SPATA3: variants seen among roughly 807,000 people sequenced by gnomAD.
SPATA3 encodes spermatogenesis associated 3.
Under a neutral mutation model 5.7 loss-of-function variants are expected in SPATA3, and 6 were observed. The ratio of observed to expected loss-of-function variants is 1.06; its 90% CI spans 0.58 to 2.09. The LOEUF (loss-of-function observed/expected upper bound fraction) is 2.09, where lower values mean the gene tolerates loss of function less well. Among genes scored for constraint, SPATA3 ranks in the 30% most tolerant of loss-of-function variants. The pLI, the probability that SPATA3 is intolerant of heterozygous loss-of-function variation, is 0.00. For missense variants in SPATA3, 155 were observed against 130.4 expected (o/e 1.19, Z -0.92); for synonymous variants, 44 against 48.4 (o/e 0.91, Z 0.37).
chr2:231,001,425 T>C (rs1692349182), intron 2 of SPATA3, among the ~76,000 whole-genome samples: 6 of 152,078 alleles, frequency 3.9e-5, no homozygotes, highest in Admixed American at 3.9e-4. Context: ...CTGTTCCTCT[T>C]CCCAGCCTCT....
chr2:231,007,791 C>T (rs989800156), downstream of SPATA3, among the ~76,000 whole-genome samples: 5 of 152,302 alleles, frequency 3.3e-5, no homozygotes, highest in Admixed American at 2.0e-4. Context: ...CCTGAACAGG[C>T]GACTCGAAAT....
chr2:231,002,159 C>T (rs570194593), intron 2 of SPATA3, among the ~76,000 whole-genome samples: 4 of 152,334 alleles, frequency 2.6e-5, no homozygotes, highest in African/African-American at 9.6e-5. Flanking sequence ...GCTTTCAATC[C>T]ACATTCACAT....
At chr2:231,003,402 T>C (rs908721152), downstream of SPATA3, among the ~76,000 whole-genome samples, 1 of 135,512 alleles carries the variant, frequency 7.4e-6, no homozygotes, top group African/African-American at 2.7e-5. Context: ...AGCCTGAGAC[T>C]GGGGTTGAAT....
chr2:231,010,119 AG>A (rs1218948941), downstream of SPATA3, among the ~76,000 whole-genome samples: 2 of 152,278 alleles, frequency 1.3e-5, no homozygotes, highest in Non-Finnish European at 2.9e-5. Context: ...TGCAAGTTAT[AG>A]GGGCCAAGGC....
At chr2:231,010,728 A>C (rs1574672325), downstream of SPATA3, among the ~76,000 whole-genome samples, 4 of 152,096 alleles carry the variant, frequency 2.6e-5, no homozygotes, top group Admixed American at 2.6e-4. Context: ...GGAGTCTAGC[A>C]TCTTCACCAG....
downstream of SPATA3, chr2:231,002,841 TCTG>T: frequency 1.6e-6 from 2 of 1,221,832 alleles, no homozygotes; most frequent in Non-Finnish European, 2.2e-6. Context: ...TGTTGAGCGC[TCTG>T]TCCCTTCGAA....
At chr2:231,003,072 G>A (rs1161053470), downstream of SPATA3, among the ~76,000 whole-genome samples, 1 of 152,168 alleles carries the variant, frequency 6.6e-6, no homozygotes, top group African/African-American at 2.4e-5. Context: ...TGGACAAGAG[G>A]AAATGGGAGG....
intron 1 of SPATA3, among the ~76,000 whole-genome samples, 195 bp downstream of exon 1, chr2:230,996,729 C>T (rs537674515): frequency 6.6e-6 from 1 of 152,158 alleles, no homozygotes; most frequent in Non-Finnish European, 1.5e-5. Flanking sequence ...TTCTCATCAT[C>T]CTGAGTCTCA....
rs9973868 is a variant in SPATA3, at chr2:230,998,575, G to A, written c.791-1791G>A. ...TACTTCTTCCAAAGGAATTCTCTGCGTAGAAAGGAATGTTGGAGATGAAGG... is the reference window on the plus strand; with the variant it reads ...TACTTCTTCCAAAGGAATTCTCTGCATAGAAAGGAATGTTGGAGATGAAGG... On this transcript the variant is annotated intron_variant, in intron 1 of 2. Coordinates refer to ENST00000645363, the Ensembl canonical transcript of SPATA3. Among the ~76,000 whole-genome samples, 460 of 152,348 alleles carry A rather than the reference G, an allele frequency of 3.0e-3. 4 individuals are homozygous for A. Among genetic ancestry groups the A allele is most frequent in the African/African-American group, 0.01 (434 of 41,584 alleles).
intron 5 of SPATA3, chr2:231,013,853 T>C (rs1692857635): frequency 6.6e-6 from 1 of 151,736 alleles, no homozygotes; most frequent in Non-Finnish European, 1.5e-5. Context: ...AAGGGTAATT[T>C]CTTTTTTTTT....
intron 6 of SPATA3, among the ~76,000 whole-genome samples, chr2:231,014,449 T>C (rs1692876405): frequency 6.6e-6 from 1 of 152,222 alleles, no homozygotes; most frequent in Non-Finnish European, 1.5e-5. Flanking sequence ...ATCTTTGCTA[T>C]GCACTGCGAC....
chr2:231,010,932 AT>A (rs1274716591), downstream of SPATA3, among the ~76,000 whole-genome samples: 2 of 144,214 alleles, frequency 1.4e-5, no homozygotes, highest in Non-Finnish European at 3.0e-5. Flanking sequence ...AAAAAAAAAA[AT>A]ACAAAAATTA....
At chr2:231,004,338 G>C (rs1266572895), downstream of SPATA3, among the ~76,000 whole-genome samples, 2 of 152,212 alleles carry the variant, frequency 1.3e-5, no homozygotes, top group Non-Finnish European at 2.9e-5. Flanking sequence ...AGAGGACAGA[G>C]CTCACTGCTG....
chr2:231,000,579 C>G (rs1692313571), intron 2 of SPATA3, 42 bp downstream of exon 2: 2 of 1,449,670 alleles, frequency 1.4e-6, no homozygotes, highest in Non-Finnish European at 1.8e-6. Flanking sequence ...CACACAGTCC[C>G]CAGGGCCAGG....
downstream of SPATA3, among the ~76,000 whole-genome samples, chr2:231,009,090 A>G (rs746957221): frequency 6.6e-6 from 1 of 152,178 alleles, no homozygotes; most frequent in African/African-American, 2.4e-5. Context: ...ATGAGGATAA[A>G]ATCCACAGAA....
downstream of SPATA3, among the ~76,000 whole-genome samples, chr2:231,005,598 C>T (rs1442304830): frequency 2.5e-5 from 2 of 80,016 alleles, no homozygotes; most frequent in African/African-American, 9.0e-5. Flanking sequence ...CTCACCATCA[C>T]CATCATCACC....
At chr2:231,011,723 G>A (rs1692793358), downstream of SPATA3, among the ~76,000 whole-genome samples, 1 of 137,904 alleles carries the variant, frequency 7.3e-6, no homozygotes, top group Non-Finnish European at 1.7e-5. Flanking sequence ...TGAGACTCAG[G>A]GGACACCTGC....
exon 3 of SPATA3, chr2:231,002,751 G>A: frequency 6.5e-7 from 1 of 1,529,352 alleles, no homozygotes; most frequent in Non-Finnish European, 8.8e-7. Flanking sequence ...CTGTGGCTGT[G>A]GCTCTGGGGG....
At chr2:231,000,087 T>C (rs935366374) in intron 1 of SPATA3, among the ~76,000 whole-genome samples, 4 of 152,322 alleles carry the variant, frequency 2.6e-5, no homozygotes, top group African/African-American at 9.6e-5. Context: ...TTGTCGTCGC[T>C]GTTGCTACTC....
Sources: allele counts gnomAD v4.1 joint callset (sites outside exome capture counted in the v4.1 genomes callset), GRCh38; gene constraint gnomAD v4.1.1; transcripts MANE v1.5; gene names NCBI Gene and HGNC (gene_info 2026-07-23, HGNC 2026-07-21).